RANBP2: variants seen among roughly 807,000 people sequenced by gnomAD.
RANBP2 encodes RAN binding protein 2.
A neutral mutation model predicts 303.6 loss-of-function variants in RANBP2; 57 were observed. The ratio of observed to expected loss-of-function variants is 0.19; its 90% CI spans 0.15 to 0.23. RANBP2 has a LOEUF of 0.23. Ranked by LOEUF, RANBP2 falls within the 10% of genes least tolerant of loss-of-function variation. The pLI is 1.00. For missense variants in RANBP2, 3,138 were observed against 3,780.8 expected (o/e 0.83, Z 4.46); for synonymous variants, 1,167 against 1,301.5 (o/e 0.90, Z 2.23).
intron 7 of RANBP2, among the ~76,000 whole-genome samples, chr2:108,744,114 G>T (rs1696324265): frequency 6.6e-6 from 1 of 152,180 alleles, no homozygotes; most frequent in Admixed American, 6.5e-5. Flanking sequence ...TAGTTAAGAT[G>T]AGGAAATAGC....
the RANBP2 span, among the ~76,000 whole-genome samples, chr2:109,516,097 T>TCTTCCCTTCCCTGCTTCC: frequency 6.6e-6 from 1 of 152,122 alleles, no homozygotes; most frequent in Non-Finnish European, 1.5e-5. Flanking sequence ...GATTCAGGGG[T>TCTTCCCTTCCCTGCTTCC]CTTCCCTGGG....
the RANBP2 span, among the ~76,000 whole-genome samples, chr2:109,592,887 A>G: frequency 6.6e-6 from 1 of 152,200 alleles, no homozygotes; most frequent in Non-Finnish European, 1.5e-5. Context: ...TATTCAATCC[A>G]TCATCGACTT....
At chr2:108,968,204 C>T in the RANBP2 span, among the ~76,000 whole-genome samples, 3 of 152,170 alleles carry the variant, frequency 2.0e-5, no homozygotes, top group Middle Eastern at 3.2e-3. Flanking sequence ...CACATACCAG[C>T]TGCATCAGCA....
At chr2:109,238,252 A>G in the RANBP2 span, among the ~76,000 whole-genome samples, 1 of 152,164 alleles carries the variant, frequency 6.6e-6, no homozygotes, top group Non-Finnish European at 1.5e-5. Context: ...TTCAATAGAA[A>G]AGTGTTGGCT....
the RANBP2 span, among the ~76,000 whole-genome samples, chr2:109,719,224 G>C: frequency 6.7e-6 from 1 of 149,464 alleles, no homozygotes; most frequent in African/African-American, 2.5e-5. Context: ...AGCCTCCTGA[G>C]TAGCTGGGAT....
the RANBP2 span, among the ~76,000 whole-genome samples, chr2:109,351,832 C>G: frequency 6.6e-6 from 1 of 152,236 alleles, no homozygotes; most frequent in African/African-American, 2.4e-5. Context: ...CTCGATTTGT[C>G]CTGATCTGGT....
chr2:109,361,484 C>A, the RANBP2 span, among the ~76,000 whole-genome samples: 1 of 152,050 alleles, frequency 6.6e-6, no homozygotes, highest in Non-Finnish European at 1.5e-5. Flanking sequence ...TATTCAGTTT[C>A]TTTTTTTAAA....
At chr2:108,840,298 A>G in the RANBP2 span, among the ~76,000 whole-genome samples, 446 of 152,204 alleles carry the variant, frequency 2.9e-3, 1 homozygote, top group Non-Finnish European at 3.0e-3. Context: ...ATATTTGTCT[A>G]TAGTTTTGAA....
chr2:108,948,707 G>A, the RANBP2 span, among the ~76,000 whole-genome samples: 1 of 152,064 alleles, frequency 6.6e-6, no homozygotes, highest in Non-Finnish European at 1.5e-5. Context: ...AGAACAACAT[G>A]GGGAAAACTG....
chr2:109,537,708 G>A, the RANBP2 span, among the ~76,000 whole-genome samples: 2 of 152,144 alleles, frequency 1.3e-5, no homozygotes, highest in African/African-American at 4.8e-5. Flanking sequence ...CACTTTGGGA[G>A]GCTGGGGCGG....
chr2:108,813,248 CAAAAAAAA>C, the RANBP2 span, among the ~76,000 whole-genome samples: 6 of 63,542 alleles, frequency 9.4e-5, no homozygotes, highest in African/African-American at 2.2e-4. Flanking sequence ...GACTCCGTCT[CAAAAAAAA>C]AAAAAAAAAA....
the RANBP2 span, among the ~76,000 whole-genome samples, chr2:108,834,956 T>C: frequency 3.9e-5 from 6 of 152,380 alleles, no homozygotes; most frequent in African/African-American, 1.2e-4. Context: ...TCACTTCTAA[T>C]TGAAGGTCAG....
chr2:109,002,618 C>G, the RANBP2 span, among the ~76,000 whole-genome samples: 1 of 152,182 alleles, frequency 6.6e-6, no homozygotes, highest in South Asian at 2.1e-4. Flanking sequence ...TCACATGGAC[C>G]TAGGTTCCCT....
At chr2:109,305,773 A>T in the RANBP2 span, among the ~76,000 whole-genome samples, 15 of 152,338 alleles carry the variant, frequency 9.8e-5, no homozygotes, top group East Asian at 1.4e-3. Flanking sequence ...CCTGAGACAG[A>T]TGCCACAAAA....
the RANBP2 span, among the ~76,000 whole-genome samples, chr2:109,162,419 T>C: frequency 1.3e-5 from 2 of 152,008 alleles, no homozygotes; most frequent in African/African-American, 4.8e-5. Context: ...TTATTTTTAA[T>C]TTTTTTTATT....
At chr2:109,413,494 C>G in the RANBP2 span, among the ~76,000 whole-genome samples, 1 of 152,164 alleles carries the variant, frequency 6.6e-6, no homozygotes. Flanking sequence ...CTCTGTCTGT[C>G]TGTCTCTTTC....
At chr2:109,562,063 A>G in the RANBP2 span, among the ~76,000 whole-genome samples, 1 of 151,948 alleles carries the variant, frequency 6.6e-6, no homozygotes, top group Admixed American at 6.6e-5. Context: ...AAACACAAAA[A>G]TTAGCTGGGG....
chr2:109,736,209 T>A, the RANBP2 span, among the ~76,000 whole-genome samples: 2 of 152,224 alleles, frequency 1.3e-5, no homozygotes, highest in Non-Finnish European at 2.9e-5. Context: ...CCAGCCTCGG[T>A]AGCCCCCTTC....
At chr2:109,402,433 C>T in the RANBP2 span, among the ~76,000 whole-genome samples, 2,112 of 152,350 alleles carry the variant, frequency 0.014, 43 homozygotes, top group African/African-American at 0.048. Flanking sequence ...TTCAGCATTG[C>T]TGTGTCATGG....
Sources: gnomAD v4.1 joint callset for allele counts (sites outside exome capture counted in the v4.1 genomes callset) on GRCh38, gnomAD v4.1.1 for gene constraint, MANE v1.5 for transcripts, NCBI Gene and HGNC (gene_info 2026-07-23, HGNC 2026-07-21) for gene names.